DPYS: variants seen among roughly 807,000 people sequenced by gnomAD.
The protein encoded by DPYS is dihydropyrimidine amidohydrolase.
A neutral mutation model predicts 50.3 loss-of-function variants in DPYS; 39 were observed. The ratio of observed to expected loss-of-function variants is 0.78; its 90% CI spans 0.60 to 1.01. The LOEUF is 1.01. Among genes scored for constraint, DPYS ranks in the 50% least tolerant of loss-of-function variants. DPYS has a pLI of 0.00. For synonymous variants in DPYS, 245 were observed against 250.7 expected, an observed-to-expected ratio of 0.98 and a Z score of 0.22; for missense variants, 659 against 680.9, an observed-to-expected ratio of 0.97 and a Z score of 0.36.
chr8:104,465,904 T>C (rs923826499), intron 1 of DPYS, among the ~76,000 whole-genome samples: 5 of 152,246 alleles, frequency 3.3e-5, no homozygotes, highest in Non-Finnish European at 7.4e-5. Context: ...AGTAAAACTA[T>C]GGGTACTCCA....
chr8:104,405,122 G>GAC (rs1811951600), intron 7 of DPYS, among the ~76,000 whole-genome samples: 1 of 152,194 alleles, frequency 6.6e-6, no homozygotes, highest in Non-Finnish European at 1.5e-5. Flanking sequence ...GTGGCAGAGG[G>GAC]ACACGAATGA....
chr8:104,424,224 G>A (rs767674641), intron 7 of DPYS, 23 bp downstream of exon 7: 8 of 1,614,002 alleles, frequency 5.0e-6, no homozygotes, highest in Non-Finnish European at 5.1e-6. Flanking sequence ...ATGAAGCCAA[G>A]GAATACAAGA....
chr8:104,439,585 C>A (rs1344651235), intron 4 of DPYS, among the ~76,000 whole-genome samples: 2 of 152,060 alleles, frequency 1.3e-5, no homozygotes. Context: ...GAGTTCAAGA[C>A]CAGCTTGAAC....
At chr8:104,397,647 A>T (rs1256414983) in intron 7 of DPYS, among the ~76,000 whole-genome samples, 2 of 152,226 alleles carry the variant, frequency 1.3e-5, no homozygotes, top group African/African-American at 4.8e-5. Flanking sequence ...CTTGTTCACT[A>T]ATACCTATAA....
intron 7 of DPYS, among the ~76,000 whole-genome samples, chr8:104,395,892 T>C (rs775897592): frequency 1.3e-4 from 20 of 150,638 alleles, no homozygotes; most frequent in Non-Finnish European, 2.5e-4. Flanking sequence ...AACCAACTTA[T>C]TGATATAAAG....
At chr8:104,464,982 T>C (rs1313536831) in intron 1 of DPYS, among the ~76,000 whole-genome samples, 2 of 152,250 alleles carry the variant, frequency 1.3e-5, no homozygotes, top group African/African-American at 4.8e-5. Flanking sequence ...CAAAAGACTT[T>C]ATTGACATAA....
intron 4 of DPYS, among the ~76,000 whole-genome samples, chr8:104,440,673 C>T (rs573650478): frequency 3.3e-5 from 5 of 151,910 alleles, no homozygotes; most frequent in South Asian, 2.1e-4. Context: ...GCAGGAGAAG[C>T]GCTTGAACCC....
Position 104,455,760 on chromosome 8 carries a change from G to A in DPYS, c.265-4356C>T, listed in dbSNP as rs562169506. ...TTCGGAACATACCAACACTCTGCAC[G>A]AACACAAAACCACACTGAGCCAAGA... On this transcript the variant is annotated intron_variant, in intron 1 of 9. Transcript: ENST00000351513. Among the ~76,000 whole-genome samples the A allele has an allele frequency of 1.1e-4, 17 of 152,164 alleles. No individual in the cohort carries two copies. In the South Asian group the frequency reaches 1.5e-3, roughly 13 times the overall value.
Position 104,429,605 on chromosome 8 carries a change from A to C in DPYS, c.890T>G (p.Met297Arg), listed in dbSNP as rs1345473170. The C allele has an allele frequency of 1.2e-6, 2 of 1,614,070 alleles. No individual in the cohort carries two copies. The highest frequency in any genetic ancestry group is 4.5e-5 in the East Asian group (2 of 44,880). The change falls in exon 5 of 10, where the codon ATG becomes AGG. Residue 297 changes from methionine to arginine, a missense_variant. Met to Arg is a moderately conservative substitution (Grantham distance 91). Transcript: ENST00000351513. ...KEWHHAAHHVMGPPLRPDPST... is the reference protein window; with the variant it reads ...KEWHHAAHHVRGPPLRPDPST... ...GGGGTCTGGTCGCAAAGGTGGACCC[A>C]TGACATGGTGGGCTGCATGGTGCCA... is the stretch of plus-strand genomic sequence containing the variant.
In DPYS at chr8:104,392,803, C is replaced by A. The variant is rs751818026; in HGVS notation, c.1424G>T (p.Arg475Leu). The A allele has an allele frequency of 6.2e-7, 1 of 1,614,102 alleles. No homozygotes were observed. Among genetic ancestry groups the A allele is most frequent in the Admixed American group, 1.7e-5 (1 of 60,018 alleles). Residue 475 changes from arginine (R) to leucine (L), a missense_variant, in exon 8 of 10, where the codon CGA (arginine) becomes CTA (leucine). Coordinates refer to ENST00000351513, the MANE Select transcript of DPYS (RefSeq NM_001385.3). ...RKPFAEYIYK[R>L]IKQRDRTCTP... The stretch of plus-strand genomic sequence containing the variant: ...ACTCACCCGGTCTCGCTGCTTTATT[C>A]GTTTGTAAATATATTCAGCAAATGG...
intron 5 of DPYS, 91 bp from the exon 6 acceptor site, chr8:104,428,212 C>T (rs1812804775): frequency 6.4e-7 from 1 of 1,557,388 alleles, no homozygotes; most frequent in Non-Finnish European, 8.8e-7. Context: ...TCCTGGCTCC[C>T]TTCTCAATTG....
chr8:104,385,461 G>C (rs1469757070), intron 8 of DPYS, among the ~76,000 whole-genome samples: 1 of 152,152 alleles, frequency 6.6e-6, no homozygotes, highest in Non-Finnish European at 1.5e-5. Flanking sequence ...AGGCTAATTT[G>C]ATTATGGTAT....
intron 7 of DPYS, among the ~76,000 whole-genome samples, chr8:104,410,598 A>G (rs1035340016): frequency 2.0e-5 from 3 of 152,034 alleles, no homozygotes; most frequent in African/African-American, 7.2e-5. Flanking sequence ...CCTTCTCTTT[A>G]CAGCCATGTA....
chr8:104,413,141 T>C (rs1812246264), intron 7 of DPYS, among the ~76,000 whole-genome samples: 1 of 152,052 alleles, frequency 6.6e-6, no homozygotes, highest in Admixed American at 6.5e-5. Flanking sequence ...ACAACCTGAA[T>C]GTCCACCAGC....
At chr8:104,384,804 C>G (rs1362961657) in intron 8 of DPYS, among the ~76,000 whole-genome samples, 2 of 152,100 alleles carry the variant, frequency 1.3e-5, no homozygotes, top group Non-Finnish European at 2.9e-5. Context: ...CATAGAAAAA[C>G]CAGGATGAGG....
intron 1 of DPYS, among the ~76,000 whole-genome samples, chr8:104,458,952 G>T (rs1226729169): frequency 6.6e-6 from 1 of 152,184 alleles, no homozygotes; most frequent in Non-Finnish European, 1.5e-5. Flanking sequence ...TTCTAAAAAT[G>T]ATTACATTTT....
intron 4 of DPYS, among the ~76,000 whole-genome samples, chr8:104,431,090 A>C (rs530428982): frequency 6.6e-6 from 1 of 152,294 alleles, no homozygotes; most frequent in South Asian, 2.1e-4. Context: ...ATGCTTGGAC[A>C]ATGAAAACTC....
intron 1 of DPYS, among the ~76,000 whole-genome samples, chr8:104,459,123 G>A (rs1166734065): frequency 1.3e-5 from 2 of 152,160 alleles, no homozygotes; most frequent in South Asian, 2.1e-4. Flanking sequence ...GTTACTTGAC[G>A]TGTGAGAAGA....
At chr8:104,381,124 A>C in intron 9 of DPYS, 60 bp downstream of exon 9, 2 of 1,381,534 alleles carry the variant, frequency 1.4e-6, no homozygotes, top group East Asian at 4.6e-5. Flanking sequence ...CCTTATGAGG[A>C]GAGATGCTAA....
Sources: gnomAD v4.1 joint callset for allele counts (sites outside exome capture counted in the v4.1 genomes callset) on GRCh38, gnomAD v4.1.1 for gene constraint, MANE v1.5 for transcripts, NCBI Gene and HGNC (gene_info 2026-07-23, HGNC 2026-07-21) for gene names.